ANGPT1: variants seen among roughly 807,000 people sequenced by gnomAD.
ANGPT1 encodes the protein angiopoietin 1, also known as angiopoietin-1.
ANGPT1 carries 17 observed loss-of-function variants against 62.2 expected under a neutral mutation model. The ratio of observed to expected loss-of-function variants is 0.27; its 90% CI spans 0.19 to 0.41. The LOEUF (loss-of-function observed/expected upper bound fraction) is 0.41, where lower values mean the gene tolerates loss of function less well. Ranked by LOEUF, ANGPT1 falls within the 10% of genes least tolerant of loss-of-function variation. ANGPT1 has a pLI of 1.00. For synonymous variants in ANGPT1, 199 were observed against 198.9 expected (o/e 1.00, Z 0.00); for missense variants, 478 against 594.9 (o/e 0.80, Z 2.04).
chr8:107,461,068 A>G (rs1297613474), intron 1 of ANGPT1, among the ~76,000 whole-genome samples: 3 of 152,150 alleles, frequency 2.0e-5, no homozygotes, highest in Non-Finnish European at 4.4e-5. Context: ...ATGGAAAGAT[A>G]ATTTTATCTA....
intron 1 of ANGPT1, among the ~76,000 whole-genome samples, chr8:107,481,636 T>C (rs898894647): frequency 2.0e-5 from 3 of 149,856 alleles, no homozygotes; most frequent in African/African-American, 7.4e-5. Flanking sequence ...CGAAACTGGG[T>C]AATTTATAAA....
chr8:107,316,449 T>C (rs1563565534), intron 4 of ANGPT1, among the ~76,000 whole-genome samples: 1 of 152,198 alleles, frequency 6.6e-6, no homozygotes. Context: ...CATACAGTGT[T>C]GTTACCAGAA....
At chr8:107,345,720 T>G (rs1815790063) in intron 2 of ANGPT1, among the ~76,000 whole-genome samples, 1 of 152,160 alleles carries the variant, frequency 6.6e-6, no homozygotes, top group Admixed American at 6.5e-5. Context: ...ATTATCAAAC[T>G]TACTGTGACA....
At chr8:107,288,082 T>C (rs1383524000) in intron 6 of ANGPT1, among the ~76,000 whole-genome samples, 1 of 152,154 alleles carries the variant, frequency 6.6e-6, no homozygotes, top group Non-Finnish European at 1.5e-5. Flanking sequence ...TTGGGTCTTG[T>C]ATTAGCCCAA....
At chr8:107,458,679 A>G (rs1255999133) in intron 1 of ANGPT1, among the ~76,000 whole-genome samples, 1 of 152,134 alleles carries the variant, frequency 6.6e-6, no homozygotes, top group East Asian at 1.9e-4. Context: ...TGTTATAAAT[A>G]GAAAGGTGAA....
intron 6 of ANGPT1, among the ~76,000 whole-genome samples, chr8:107,292,093 T>C (rs977123336): frequency 2.0e-5 from 3 of 152,160 alleles, no homozygotes; most frequent in Non-Finnish European, 2.9e-5. Context: ...CGTGTTTCCA[T>C]TCAGTTTCCA....
intron 1 of ANGPT1, among the ~76,000 whole-genome samples, chr8:107,460,613 A>G (rs1317206986): frequency 2.0e-5 from 3 of 152,180 alleles, no homozygotes; most frequent in African/African-American, 7.2e-5. Flanking sequence ...TTCTACAGAA[A>G]TATTTCTGCA....
intron 1 of ANGPT1, among the ~76,000 whole-genome samples, chr8:107,425,778 T>C (rs1811025850): frequency 6.6e-6 from 1 of 152,044 alleles, no homozygotes; most frequent in African/African-American, 2.4e-5. Context: ...CAAAAGAAAA[T>C]ATGAAATGGT....
chr8:107,333,942 GA>G (rs1238919565), intron 3 of ANGPT1, among the ~76,000 whole-genome samples: 2 of 121,962 alleles, frequency 1.6e-5, no homozygotes, highest in African/African-American at 3.2e-5. Context: ...AAGAAAGAAA[GA>G]AAAAGAAAGA....
At chr8:107,443,678 G>A (rs1189645153) in intron 1 of ANGPT1, among the ~76,000 whole-genome samples, 1 of 151,648 alleles carries the variant, frequency 6.6e-6, no homozygotes, top group Non-Finnish European at 1.5e-5. Context: ...AATTAGCCAG[G>A]TGTGGTGGCG....
chr8:107,390,846 G>A (rs1816820604), intron 1 of ANGPT1, among the ~76,000 whole-genome samples: 1 of 152,070 alleles, frequency 6.6e-6, no homozygotes, highest in Non-Finnish European at 1.5e-5. Context: ...TCTAGTGAGA[G>A]GCCAGGCTAG....
In ANGPT1 at chr8:107,251,377, T is replaced by G; in HGVS notation, c.*478A>C. 6.5e-6 allele frequency: 1 copy of G among 154,018 alleles called. No individual in the cohort carries two copies. Among genetic ancestry groups the G allele is most frequent in the East Asian group, 1.9e-4 (1 of 5,236 alleles). 9.5% of individuals were successfully genotyped at this position (154,018 alleles called of 1,614,324 possible). A position where few individuals can be genotyped will look rare whatever the true frequency, so the allele number is the denominator to read the frequency against. On this transcript the variant is annotated 3_prime_UTR_variant, in exon 9 of 9. Transcript: ENST00000517746. ...AATTTTTATCAAAATTGTGCAACAG[T>G]ATAATTTGTTAGTAGGTTTGCATAG... is the stretch of plus-strand genomic sequence containing the variant.
At chr8:107,481,091 A>G (rs1023274123) in intron 1 of ANGPT1, among the ~76,000 whole-genome samples, 1 of 152,210 alleles carries the variant, frequency 6.6e-6, no homozygotes, top group Non-Finnish European at 1.5e-5. Context: ...AAACTTCAGC[A>G]GAGTCCTTCT....
intron 1 of ANGPT1, among the ~76,000 whole-genome samples, chr8:107,477,807 T>C (rs1279869697): frequency 6.6e-6 from 1 of 152,092 alleles, no homozygotes; most frequent in Non-Finnish European, 1.5e-5. Context: ...AAAAAAAGAA[T>C]AAAATTAGCC....
intron 1 of ANGPT1, among the ~76,000 whole-genome samples, chr8:107,382,478 G>A (rs900120704): frequency 2.6e-5 from 4 of 151,932 alleles, no homozygotes; most frequent in Non-Finnish European, 5.9e-5. Context: ...GTGCTCCATA[G>A]CACCAGGGTA....
chr8:107,382,525 G>C (rs1654729), intron 1 of ANGPT1, among the ~76,000 whole-genome samples: 118,337 of 151,588 alleles, frequency 0.78, 46,363 homozygotes, highest in East Asian at 0.92. Context: ...GATAAATTTT[G>C]TCTTTGAAAA....
intron 1 of ANGPT1, among the ~76,000 whole-genome samples, chr8:107,463,743 T>G (rs1426622412): frequency 1.3e-5 from 2 of 152,132 alleles, no homozygotes; most frequent in African/African-American, 4.8e-5. Context: ...TTTAGGGTAC[T>G]CATATATAAC....
chr8:107,334,534 T>G (rs1161215560), intron 3 of ANGPT1, among the ~76,000 whole-genome samples: 1 of 138,074 alleles, frequency 7.2e-6, no homozygotes, highest in African/African-American at 3.4e-5. Flanking sequence ...TTCCTGTGTG[T>G]TTTTTTTTGT....
At chr8:107,315,054 TGAG>T (rs1408212403) in intron 4 of ANGPT1, among the ~76,000 whole-genome samples, 3 of 152,166 alleles carry the variant, frequency 2.0e-5, no homozygotes, top group Non-Finnish European at 4.4e-5. Flanking sequence ...TCCTCAGCAC[TGAG>T]AAGAAAGCAA....
Sources: allele counts gnomAD v4.1 joint callset (sites outside exome capture counted in the v4.1 genomes callset), GRCh38; gene constraint gnomAD v4.1.1; transcripts MANE v1.5; gene names NCBI Gene and HGNC (gene_info 2026-07-23, HGNC 2026-07-21).